Variants in FSCN1 observed in about 807,000 individuals in gnomAD.
FSCN1 encodes the protein fascin actin-bundling protein 1.
In FSCN1, 10 loss-of-function variants were observed where a neutral mutation model predicts 39.7. That is an observed-to-expected ratio of 0.25 (90% CI 0.16 to 0.43). The LOEUF is 0.43. Among genes scored for constraint, FSCN1 ranks in the 20% least tolerant of loss-of-function variants. The probability of loss-of-function intolerance (pLI) is 1.00; values close to 1 mark genes in which losing one functional copy is unlikely to be tolerated. For missense variants in FSCN1, 525 were observed against 723.8 expected, an observed-to-expected ratio of 0.73 and a Z score of 3.15; for synonymous variants, 322 against 320.0, an observed-to-expected ratio of 1.01 and a Z score of -0.07.
Position 5,603,247 on chromosome 7 carries a change from C to T in FSCN1, c.833-10C>T, listed in dbSNP as rs1374951716. On this transcript the variant is annotated splice_polypyrimidine_tract_variant and intron_variant, in intron 1 of 4. Transcript: ENST00000382361. This position sits in a 1 kb window ranked among gnomAD's most constrained non-coding sequence, Gnocchi z 8.5. ...GGCCCCAGTACCAGCCCAAGGCCTC[C>T]TCTCTGCAGGTATGGACCTGTCTGC... 3 of 1,611,552 alleles carry T rather than the reference C, an allele frequency of 1.9e-6. No homozygotes were observed. Among genetic ancestry groups the T allele is most frequent in the Non-Finnish European group, 2.5e-6 (3 of 1,179,856 alleles).
chr7:5,597,941 G>T (rs1785760783), intron 1 of FSCN1, among the ~76,000 whole-genome samples: 1 of 151,940 alleles, frequency 6.6e-6, no homozygotes, highest in Non-Finnish European at 1.5e-5. Flanking sequence ...TGCCTCTGTT[G>T]ATGAAAAGAA....
chr7:5,600,887 C>G (rs1785817064), intron 1 of FSCN1, among the ~76,000 whole-genome samples: 1 of 151,540 alleles, frequency 6.6e-6, no homozygotes, highest in Non-Finnish European at 1.5e-5. Context: ...ATCTCCTGAC[C>G]TCGTGATCCG....
Position 5,603,773 on chromosome 7 carries a change from C to T in FSCN1, c.1112-90C>T. 1.3e-6 allele frequency: 2 copies of T among 1,496,878 alleles called. No homozygotes were observed. The highest frequency in any genetic ancestry group is 1.2e-5 in the South Asian group (1 of 83,140). The allele number at this position is 1,496,878 out of a possible 1,614,324, so 92.7% of individuals were successfully genotyped here. A position where few individuals can be genotyped will look rare whatever the true frequency, so the allele number is the denominator to read the frequency against. ...TCCTACCCTGGGGACTGCTGTGTGA[C>T]CCCAGCTCCTGGCCCTCCCTCTCTG... On this transcript the variant is annotated intron_variant, in intron 3 of 4. Coordinates refer to ENST00000382361, the MANE Select transcript of FSCN1 (RefSeq NM_003088.4). This position sits in a 1 kb window ranked among gnomAD's most constrained non-coding sequence, Gnocchi z 8.5.
In FSCN1 at chr7:5,593,521, C is replaced by G; in HGVS notation, c.585C>G (p.Phe195Leu). 1 of 1,604,190 alleles carries G rather than the reference C, an allele frequency of 6.2e-7. No homozygotes were observed. Residue 195 changes from phenylalanine to leucine, a missense_variant, in exon 1 of 5, where the codon TTC becomes TTG. This residue lies in a region of FSCN1 where 246 missense variants were observed against 350.6 expected (regional missense o/e 0.70). Coordinates refer to ENST00000382361, the MANE Select transcript of FSCN1 (RefSeq NM_003088.4). Reference sequence around the variant, plus strand: ...GCGTGCAGACCGCCGACCACCGCTTCCTGCGCCACGACGGGCGCCTGGTGG... The same window carrying G: ...GCGTGCAGACCGCCGACCACCGCTTGCTGCGCCACGACGGGCGCCTGGTGG... Reference protein sequence around the residue: ...RYSVQTADHRFLRHDGRLVAR... With the variant: ...RYSVQTADHRLLRHDGRLVAR...
chr7:5,602,140 G>A (rs369233946), intron 1 of FSCN1, among the ~76,000 whole-genome samples: 3 of 151,624 alleles, frequency 2.0e-5, no homozygotes, highest in South Asian at 2.1e-4. Flanking sequence ...TCCCGACCTC[G>A]GGTGATCTGC....
intron 1 of FSCN1, among the ~76,000 whole-genome samples, chr7:5,595,864 A>G (rs1785720841): frequency 6.6e-6 from 1 of 152,106 alleles, no homozygotes; most frequent in East Asian, 1.9e-4. Context: ...AGAGAGCCTG[A>G]GGGTGTTTTT....
intron 1 of FSCN1, among the ~76,000 whole-genome samples, chr7:5,601,915 G>A (rs13231520): frequency 0.048 from 7,145 of 150,170 alleles, 239 homozygotes; most frequent in Non-Finnish European, 0.075. Flanking sequence ...GGACTTCATA[G>A]TTTCCTTTTT....
intron 1 of FSCN1, among the ~76,000 whole-genome samples, chr7:5,598,536 ATT>A (rs894946505): frequency 1.3e-5 from 2 of 152,176 alleles, no homozygotes; most frequent in Non-Finnish European, 2.9e-5. Context: ...GGCTTCCTGC[ATT>A]TGTTCCAGGC....
rs1584296158 is a variant in FSCN1, at chr7:5,592,847, C to G, written c.-90C>G. The G allele has an allele frequency of 5.4e-6, 4 of 744,854 alleles. No individual in the cohort carries two copies. Among genetic ancestry groups the G allele is most frequent in the Non-Finnish European group, 8.5e-6 (4 of 470,992 alleles). The allele number at this position is 744,854 out of a possible 1,614,324, so 46.1% of individuals were successfully genotyped here. ...CGCTGCGGAGGGTGCGTGCGGGCCG[C>G]GGCAGCCGAACAAAGGAGCAGGGGC... is the stretch of plus-strand genomic sequence containing the variant. On this transcript the variant is annotated 5_prime_UTR_variant, in exon 1 of 5. Transcript: ENST00000382361. The surrounding 1 kb of genome is among the most constrained non-coding windows in gnomAD (Gnocchi z 5.3).
chr7:5,596,098 G>A (rs1000420210), intron 1 of FSCN1, among the ~76,000 whole-genome samples: 1 of 150,794 alleles, frequency 6.6e-6, no homozygotes, highest in African/African-American at 2.4e-5. Flanking sequence ...TCCTTATCTC[G>A]TTTCTATGTC....
chr7:5,593,484 A>G lies in FSCN1; in HGVS notation c.548A>G (p.Asp183Gly). Residue 183 changes from aspartate to glycine, a missense_variant, in exon 1 of 5, where the codon GAC (aspartate) becomes GGC (glycine). Physicochemically the swap from Asp to Gly is moderately conservative, Grantham distance 94. This residue lies in a region of FSCN1 where 246 missense variants were observed against 350.6 expected (regional missense o/e 0.70). Coordinates refer to ENST00000382361, the MANE Select transcript of FSCN1 (RefSeq NM_003088.4). ...TCGCTCATCACCCTCGCCTTCCAGG[A>G]CCAGCGCTACAGCGTGCAGACCGCC... ...VDSLITLAFQ[D>G]QRYSVQTADH... The G allele has an allele frequency of 1.2e-6, 2 of 1,611,150 alleles. No homozygotes were observed. The highest frequency in any genetic ancestry group is 1.7e-6 in the Non-Finnish European group (2 of 1,179,634).
chr7:5,603,403 G>A lies in FSCN1; in HGVS notation c.979G>A (p.Ala327Thr), dbSNP rs1476374887. The change falls in exon 2 of 5, where the codon GCC becomes ACC. Residue 327 changes from alanine to threonine, a missense_variant. Physicochemically the swap from Ala to Thr is moderately conservative, Grantham distance 58. This residue lies in a region of FSCN1 where 275 missense variants were observed against 351.9 expected (regional missense o/e 0.78). Transcript: ENST00000382361. This position sits in a 1 kb window ranked among gnomAD's most constrained non-coding sequence, Gnocchi z 8.5. ...GGCCACCGGGGGCGTGCAGTCCACC[G>A]CCTCCAGCAAGTGAGTGCCTCGCTC... ...LTATGGVQST[A>T]SSKNASCYFD... 23 of 1,613,656 alleles carry A rather than the reference G, an allele frequency of 1.4e-5. No individual in the cohort carries two copies. Among genetic ancestry groups the A allele is most frequent in the Non-Finnish European group, 1.9e-5 (23 of 1,180,006 alleles).
rs201678383 is a variant in FSCN1, at chr7:5,605,408, C to T, written c.1416C>T (p.Gly472=). 6 of 1,612,590 alleles carry T rather than the reference C, an allele frequency of 3.7e-6. No individual in the cohort carries two copies. Among genetic ancestry groups the T allele is most frequent in the African/African-American group, 2.7e-5 (2 of 74,910 alleles). ...AGGTGGGCGGGCGCTACCTGAAGGG[C>T]GACCACGCAGGCGTCCTGAAGGCCT... ...AIKVGGRYLK[G]DHAGVLKASA... The change falls in exon 5 of 5, where the codon GGC becomes GGT. Residue 472 remains glycine, a synonymous_variant. Coordinates refer to ENST00000382361, the MANE Select transcript of FSCN1 (RefSeq NM_003088.4). The surrounding 1 kb of genome is among the most constrained non-coding windows in gnomAD (Gnocchi z 6.9).
At chr7:5,594,856 T>C (rs1292804161) in intron 1 of FSCN1, 1 of 152,292 alleles carries the variant, frequency 6.6e-6, no homozygotes, top group Non-Finnish European at 1.5e-5. Flanking sequence ...CCGGGAACAA[T>C]TGACTGCAAC....
chr7:5,594,251 T>A (rs185698395), intron 1 of FSCN1, among the ~76,000 whole-genome samples: 2,849 of 152,164 alleles, frequency 0.019, 40 homozygotes, highest in Non-Finnish European at 0.03. Context: ...GCGGGCGAGA[T>A]GGGGGAGGTT....
chr7:5,602,968 C>T, intron 1 of FSCN1: 1 of 459,918 alleles, frequency 2.2e-6, no homozygotes, highest in Non-Finnish European at 4.0e-6. Flanking sequence ...CCTTGGCCTC[C>T]CAAAGTGTTG....
Position 5,593,784 on chromosome 7 carries a change from GC to G in FSCN1, c.832+21del, listed in dbSNP as rs1232882010. On this transcript the variant is annotated intron_variant, in intron 1 of 4. Transcript: ENST00000382361. ...ACGCGCCAGGGTGAGTGGGGACGCT[GC>G]CCCCGCCTCTCCTGGTCCGTGCACA... 5 of 1,483,546 alleles carry G rather than the reference GC, an allele frequency of 3.4e-6. No individual in the cohort carries two copies. Among genetic ancestry groups the G allele is most frequent in the Non-Finnish European group, 3.6e-6 (4 of 1,100,432 alleles). 91.9% of individuals were successfully genotyped at this position (1,483,546 alleles called of 1,614,324 possible). A position where few individuals can be genotyped will look rare whatever the true frequency, so the allele number is the denominator to read the frequency against.
chr7:5,595,142 T>A (rs1243547893), intron 1 of FSCN1, among the ~76,000 whole-genome samples: 3 of 152,110 alleles, frequency 2.0e-5, no homozygotes, highest in Non-Finnish European at 4.4e-5. Flanking sequence ...TCCCTCCTCT[T>A]GGAAGGAGCC....
Position 5,603,779 on chromosome 7 carries a change from C to A in FSCN1, c.1112-84C>A. 1.3e-6 allele frequency: 2 copies of A among 1,499,820 alleles called. No individual in the cohort carries two copies. The highest frequency in any genetic ancestry group is 1.8e-6 in the Non-Finnish European group (2 of 1,092,400). 92.9% of individuals were successfully genotyped at this position (1,499,820 alleles called of 1,614,324 possible). Reference sequence around the variant, plus strand: ...CCTGGGGACTGCTGTGTGACCCCAGCTCCTGGCCCTCCCTCTCTGGTCACC... The same window carrying A: ...CCTGGGGACTGCTGTGTGACCCCAGATCCTGGCCCTCCCTCTCTGGTCACC... On this transcript the variant is annotated intron_variant, in intron 3 of 4. Transcript: ENST00000382361. The surrounding 1 kb of genome is among the most constrained non-coding windows in gnomAD (Gnocchi z 8.5).
Sources: gnomAD v4.1 joint callset for allele counts (sites outside exome capture counted in the v4.1 genomes callset) on GRCh38, gnomAD v4.1.1 for gene constraint, gnomAD v4.1.1 regional missense constraint, Gnocchi (gnomAD v3.1) non-coding constraint, MANE v1.5 for transcripts, NCBI Gene and HGNC (gene_info 2026-07-23, HGNC 2026-07-21) for gene names.